COP1: variants seen among roughly 807,000 people sequenced by gnomAD.
COP1 encodes the protein COP1 E3 ubiquitin ligase.
COP1 carries 24 observed loss-of-function variants against 101.3 expected under a neutral mutation model. That is an observed-to-expected ratio of 0.24 (90% confidence interval 0.17 to 0.33). The LOEUF (loss-of-function observed/expected upper bound fraction) is 0.33. COP1 is among the 10% of genes least tolerant of loss of function. COP1 has a pLI of 1.00. For synonymous variants in COP1, 347 were observed against 341.9 expected, an observed-to-expected ratio of 1.01 and a Z score of -0.17; for missense variants, 663 against 906.2, an observed-to-expected ratio of 0.73 and a Z score of 3.45.
At chr1:175,951,462 A>ATATATATATATAT (rs1491471530) in intron 18 of COP1, among the ~76,000 whole-genome samples, 3 of 49,640 alleles carry the variant, frequency 6.0e-5, no homozygotes, top group African/African-American at 1.2e-4. Flanking sequence ...ATATATATAT[A>ATATATATATATAT]AAAACTTCCA....
chr1:176,002,621 C>T (rs1211893800), intron 15 of COP1, among the ~76,000 whole-genome samples: 2 of 144,964 alleles, frequency 1.4e-5, no homozygotes, highest in African/African-American at 5.1e-5. Flanking sequence ...GTTTTTTGTT[C>T]TTGTGATAGT....
intron 15 of COP1, among the ~76,000 whole-genome samples, chr1:175,998,799 C>A (rs1660906346): frequency 6.6e-6 from 1 of 151,854 alleles, no homozygotes; most frequent in Non-Finnish European, 1.5e-5. Context: ...TAAGGTAATC[C>A]TAGGTAGGAT....
At chr1:175,955,766 C>CCACACACACACACA (rs60306255) in intron 18 of COP1, among the ~76,000 whole-genome samples, 12,446 of 129,110 alleles carry the variant, frequency 0.096, 787 homozygotes, top group South Asian at 0.12. Flanking sequence ...TAGAGACAAA[C>CCACACACACACACA]CACACACACA....
chr1:176,055,305 G>C (rs999537168), intron 11 of COP1, among the ~76,000 whole-genome samples: 4 of 152,134 alleles, frequency 2.6e-5, no homozygotes, highest in Admixed American at 1.3e-4. Flanking sequence ...CATGGTGGCA[G>C]GCACCTGTAA....
chr1:176,083,684 T>C (rs1361179015), intron 10 of COP1, among the ~76,000 whole-genome samples: 1 of 90,628 alleles, frequency 1.1e-5, no homozygotes, highest in Non-Finnish European at 2.2e-5. Flanking sequence ...TCATCTTTCA[T>C]TTTAATAGTT....
chr1:176,182,648 G>GA (rs889818257), intron 2 of COP1, among the ~76,000 whole-genome samples: 2 of 152,078 alleles, frequency 1.3e-5, no homozygotes, highest in African/African-American at 2.4e-5. Flanking sequence ...CAAAATCTCT[G>GA]AAAAAAACAT....
At chr1:176,004,079 T>C (rs989398606) in intron 15 of COP1, among the ~76,000 whole-genome samples, 1 of 147,902 alleles carries the variant, frequency 6.8e-6, no homozygotes, top group African/African-American at 2.5e-5. Flanking sequence ...CCCTTGTAAG[T>C]TGGATTCCTA....
chr1:176,031,949 A>G (rs1219712015), intron 14 of COP1, among the ~76,000 whole-genome samples: 1 of 152,232 alleles, frequency 6.6e-6, no homozygotes, highest in African/African-American at 2.4e-5. Flanking sequence ...GCTTATCTAT[A>G]ATAACATCAG....
chr1:176,205,204 T>A (rs1230842196), intron 1 of COP1, among the ~76,000 whole-genome samples: 1 of 152,102 alleles, frequency 6.6e-6, no homozygotes, highest in Admixed American at 6.5e-5. Context: ...CTTTGTTTTA[T>A]TAGCTTATTA....
chr1:175,968,451 A>C (rs1652541629), intron 18 of COP1: 1 of 518,964 alleles, frequency 1.9e-6, no homozygotes, highest in African/African-American at 1.9e-5. Context: ...CCAGACAGAG[A>C]CCTCCATATA....
At chr1:175,983,434 G>A (rs1018473020) in intron 18 of COP1, among the ~76,000 whole-genome samples, 6 of 152,130 alleles carry the variant, frequency 3.9e-5, no homozygotes, top group Admixed American at 1.3e-4. Context: ...TTCACCTTCC[G>A]CCATGATTGT....
intron 8 of COP1, 85 bp downstream of exon 8, chr1:176,134,925 T>C (rs2149729364): frequency 2.1e-6 from 2 of 947,802 alleles, no homozygotes; most frequent in East Asian, 2.4e-5. Context: ...TTTCATACAC[T>C]GCATGGAAAA....
At chr1:176,050,524 A>G (rs1672358114) in intron 11 of COP1, among the ~76,000 whole-genome samples, 1 of 152,234 alleles carries the variant, frequency 6.6e-6, no homozygotes, top group Non-Finnish European at 1.5e-5. Context: ...TCTCATTCTC[A>G]TTCATTACCA....
rs189544042 is a variant in COP1 at position 176,048,899 on chromosome 1, G to A, written c.1278-2575C>T. ...CTGTCAAAAGAATTAAGGGCCGGGC[G>A]CGGTGGCTCACGCCTGTAATCCCAG... is the stretch of plus-strand genomic sequence containing the variant. On this transcript the variant is annotated intron_variant, in intron 11 of 19. Transcript: ENST00000367669. Among the ~76,000 whole-genome samples the A allele has an allele frequency of 1.0e-3, 151 of 151,496 alleles. 1 individual carries two copies. Among genetic ancestry groups the A allele is most frequent in the Non-Finnish European group, 1.8e-3 (124 of 68,028 alleles).
At chr1:175,994,518 C>T (rs1659574676) in intron 15 of COP1, among the ~76,000 whole-genome samples, 1 of 152,196 alleles carries the variant, frequency 6.6e-6, no homozygotes, top group African/African-American at 2.4e-5. Flanking sequence ...TGCAGAGACA[C>T]ACATAGGCTC....
intron 14 of COP1, among the ~76,000 whole-genome samples, chr1:176,037,326 G>A (rs1023598507): frequency 1.3e-5 from 2 of 151,574 alleles, no homozygotes; most frequent in African/African-American, 4.9e-5. Context: ...AGAATGGCAT[G>A]AACCTGGGAG....
chr1:175,998,788 A>C (rs571476697), intron 15 of COP1, among the ~76,000 whole-genome samples: 22 of 152,234 alleles, frequency 1.4e-4, no homozygotes, highest in Admixed American at 1.1e-3. Flanking sequence ...TTCAAAAAAC[A>C]TAAGGTAATC....
intron 14 of COP1, among the ~76,000 whole-genome samples, chr1:176,042,498 GGTTGCA>G (rs1175739198): frequency 2.0e-5 from 3 of 148,730 alleles, no homozygotes; most frequent in Non-Finnish European, 4.5e-5. Flanking sequence ...GGGAGGCGGA[GGTTGCA>G]GTGAGCCGAG....
chr1:176,002,999 C>T (rs542938127), intron 15 of COP1, among the ~76,000 whole-genome samples: 70 of 149,874 alleles, frequency 4.7e-4, no homozygotes, highest in African/African-American at 1.6e-3. Context: ...CCTATTTCTC[C>T]ACATCCTCTC....
Sources: allele counts gnomAD v4.1 joint callset (sites outside exome capture counted in the v4.1 genomes callset), GRCh38; gene constraint gnomAD v4.1.1; transcripts MANE v1.5; gene names NCBI Gene and HGNC (gene_info 2026-07-23, HGNC 2026-07-21).